BEST3: variants seen among roughly 807,000 people sequenced by gnomAD.
BEST3 encodes the protein bestrophin 3.
BEST3 carries 50 observed loss-of-function variants against 47.1 expected under a neutral mutation model. The ratio of observed to expected loss-of-function variants is 1.06; its 90% CI spans 0.85 to 1.34. BEST3 has a LOEUF of 1.34. BEST3 is among the 40% of genes most tolerant of loss of function. The probability of loss-of-function intolerance (pLI) is 0.00; values close to 1 mark genes in which losing one functional copy is unlikely to be tolerated. For missense variants in BEST3, 765 were observed against 817.0 expected (o/e 0.94, Z 0.78); for synonymous variants, 282 against 298.8 (o/e 0.94, Z 0.58).
At chr12:69,673,023 G>A (rs1216528754) in intron 7 of BEST3, 58 bp from the exon 8 acceptor site, 4 of 1,304,082 alleles carry the variant, frequency 3.1e-6, no homozygotes, top group Non-Finnish European at 4.4e-6. Context: ...TCAGAATAGA[G>A]ACTGAAGATG....
chr12:69,650,680 C>T (rs1407232173), downstream of BEST3, among the ~76,000 whole-genome samples: 1 of 152,082 alleles, frequency 6.6e-6, no homozygotes, highest in Non-Finnish European at 1.5e-5. Flanking sequence ...GTTCTAAATC[C>T]TCTAGATTTA....
At chr12:69,664,023 C>T (rs1004971170) in intron 9 of BEST3, among the ~76,000 whole-genome samples, 6 of 151,986 alleles carry the variant, frequency 3.9e-5, no homozygotes, top group African/African-American at 1.4e-4. Flanking sequence ...AGATTACTGG[C>T]CATGCAATAA....
chr12:69,679,860 C>T (rs1202714944), intron 4 of BEST3, among the ~76,000 whole-genome samples: 1 of 151,920 alleles, frequency 6.6e-6, no homozygotes, highest in Admixed American at 6.6e-5. Flanking sequence ...GACTGTCTCC[C>T]CTGCCCCAAA....
chr12:69,690,521 C>T (rs1184646395), intron 4 of BEST3, among the ~76,000 whole-genome samples: 1 of 152,218 alleles, frequency 6.6e-6, no homozygotes, highest in Non-Finnish European at 1.5e-5. Flanking sequence ...CTCTCCATTG[C>T]CAGCCAACCT....
intron 9 of BEST3, among the ~76,000 whole-genome samples, chr12:69,664,931 C>A (rs1318891963): frequency 6.6e-6 from 1 of 152,034 alleles, no homozygotes; most frequent in Non-Finnish European, 1.5e-5. Flanking sequence ...TAAGATTTGC[C>A]CAGAAGAGGC....
At chr12:69,693,178 T>C (rs765204678) in intron 4 of BEST3, among the ~76,000 whole-genome samples, 2 of 152,186 alleles carry the variant, frequency 1.3e-5, no homozygotes, top group Non-Finnish European at 2.9e-5. Flanking sequence ...AGTTTGCTTC[T>C]GGCACATAGT....
chr12:69,676,984 G>A lies in BEST3; in HGVS notation c.799C>T (p.His267Tyr). 1 of 1,614,098 alleles carries A rather than the reference G, an allele frequency of 6.2e-7. No homozygotes were observed. The highest frequency in any genetic ancestry group is 8.5e-7 in the Non-Finnish European group (1 of 1,179,994). Residue 267 changes from histidine to tyrosine, a missense_variant, in exon 7 of 10, where the codon CAT (histidine) becomes TAT (tyrosine). His to Tyr is a moderately conservative substitution (Grantham distance 83, BLOSUM62 2). Coordinates refer to ENST00000330891, the MANE Select transcript of BEST3 (RefSeq NM_032735.3). ...ATGGGAATGTAAAGATCCAAGTCAT[G>A]CCCTGCGTAGCCTTTGGTGGGATCC... Reference protein sequence around the residue: ...FLDPTKGYAGHDLDLYIPIFT... With the variant: ...FLDPTKGYAGYDLDLYIPIFT...
chr12:69,672,755 C>A, intron 8 of BEST3, 130 bp downstream of exon 8: 1 of 656,834 alleles, frequency 1.5e-6, no homozygotes, highest in Admixed American at 2.8e-5. Flanking sequence ...GCACAGTGCA[C>A]AGCCAAGCCT....
At chr12:69,678,567 C>G (rs1885058597) in intron 5 of BEST3, among the ~76,000 whole-genome samples, 172 bp downstream of exon 5, 1 of 152,202 alleles carries the variant, frequency 6.6e-6, no homozygotes, top group Non-Finnish European at 1.5e-5. Context: ...TGAGTTTAAC[C>G]TGTGTACCAC....
At chr12:69,686,775 A>AAAACAAAAAAAAAAAG (rs1355067073) in intron 4 of BEST3, among the ~76,000 whole-genome samples, 2 of 106,440 alleles carry the variant, frequency 1.9e-5, no homozygotes, top group Non-Finnish European at 3.9e-5. Flanking sequence ...CTGCCTCAAA[A>AAAACAAAAAAAAAAAG]AAACAAAAAA....
intron 4 of BEST3, among the ~76,000 whole-genome samples, chr12:69,688,139 G>A (rs929153363): frequency 6.6e-6 from 1 of 152,292 alleles, no homozygotes; most frequent in Non-Finnish European, 1.5e-5. Context: ...GTAAATACTA[G>A]ATAAGATGTT....
chr12:69,689,105 C>T (rs548691469), intron 4 of BEST3: 10 of 985,522 alleles, frequency 1.0e-5, no homozygotes, highest in East Asian at 1.1e-4. Context: ...GCAGGTGCTC[C>T]GGCTTTGGAC....
chr12:69,676,835 G>T, intron 7 of BEST3, 81 bp downstream of exon 7: 1 of 1,422,054 alleles, frequency 7.0e-7, no homozygotes, highest in Non-Finnish European at 9.7e-7. Flanking sequence ...TGAATGATTT[G>T]CTAAAGACTC....
rs76030355 is a variant in BEST3, at chr12:69,684,172, G to A, written c.482-5279C>T. On this transcript the variant is annotated intron_variant, in intron 4 of 9. Transcript: ENST00000330891. ...CCTGGCATAGCTATTTTATCCTGCC[G>A]TTGCATCTGCCTACAGTTTCTCTTG... 1.4e-3 allele frequency: 237 copies of A among 170,790 alleles called. 3 individuals carry two copies. The East Asian group carries it at 0.028, about 20-fold the overall frequency. The allele number at this position is 170,790 out of a possible 1,614,324, so 10.6% of individuals were successfully genotyped here.
chr12:69,665,614 A>C lies in BEST3; in HGVS notation c.1100+5814T>G, dbSNP rs571688595. Among the ~76,000 whole-genome samples, 12 of 39,856 alleles carry C rather than the reference A, an allele frequency of 3.0e-4. No homozygotes were observed. In the Admixed American group the frequency reaches 5.0e-3, roughly 17 times the overall value. The allele number at this position is 39,856 out of a possible 152,430, so 26.1% of individuals were successfully genotyped here. On this transcript the variant is annotated intron_variant, in intron 9 of 9. Coordinates refer to ENST00000330891, the MANE Select transcript of BEST3 (RefSeq NM_032735.3). ...TCTACAAAACAAAACAAAACACAAA[A>C]AAACAAACAAAAAAAAAGGCAAGTA... is the stretch of plus-strand genomic sequence containing the variant.
chr12:69,672,757 G>T, intron 8 of BEST3, 128 bp downstream of exon 8: 1 of 668,204 alleles, frequency 1.5e-6, no homozygotes, highest in Non-Finnish European at 2.6e-6. Context: ...ACAGTGCACA[G>T]CCAAGCCTCT....
intron 9 of BEST3, among the ~76,000 whole-genome samples, chr12:69,644,687 G>A (rs1565815209): frequency 6.6e-6 from 1 of 152,140 alleles, no homozygotes. Context: ...ATTCTGTAAT[G>A]CTTTAGTTAT....
At chr12:69,644,779 T>C (rs577530413) in intron 9 of BEST3, among the ~76,000 whole-genome samples, 3 of 152,214 alleles carry the variant, frequency 2.0e-5, no homozygotes, top group Non-Finnish European at 4.4e-5. Flanking sequence ...TTTCTTTTGC[T>C]AGTAGTATGT....
intron 9 of BEST3, 53 bp downstream of exon 9, chr12:69,671,375 C>A: frequency 6.8e-7 from 1 of 1,481,200 alleles, no homozygotes; most frequent in African/African-American, 1.4e-5. Context: ...GACAAGGTCT[C>A]ACTATGTTGC....
Sources: allele counts gnomAD v4.1 joint callset (sites outside exome capture counted in the v4.1 genomes callset), GRCh38; gene constraint gnomAD v4.1.1; transcripts MANE v1.5; gene names NCBI Gene and HGNC (gene_info 2026-07-23, HGNC 2026-07-21).